The following ARMC9 variants were observed in gnomAD, a reference collection of about 807,000 sequenced individuals.
ARMC9 encodes the protein armadillo repeat containing 9.
Under a neutral mutation model 107.0 loss-of-function variants are expected in ARMC9, and 94 were observed. The ratio of observed to expected loss-of-function variants is 0.88; its 90% CI spans 0.74 to 1.04. ARMC9 has a LOEUF of 1.04. Ranked by LOEUF, ARMC9 falls within the 50% of genes least tolerant of loss-of-function variation. The pLI is 0.00. For missense variants in ARMC9, 942 were observed against 1,030.1 expected, an observed-to-expected ratio of 0.91 and a Z score of 1.17; for synonymous variants, 380 against 396.9, an observed-to-expected ratio of 0.96 and a Z score of 0.51.
chr2:231,333,752 C>G (rs1239993485), intron 20 of ARMC9, among the ~76,000 whole-genome samples: 1 of 152,196 alleles, frequency 6.6e-6, no homozygotes, highest in Admixed American at 6.5e-5. Flanking sequence ...GCATGTACCC[C>G]TGACCACACT....
At chr2:231,223,342 T>G (rs1354258570) in intron 6 of ARMC9, among the ~76,000 whole-genome samples, 3 of 152,186 alleles carry the variant, frequency 2.0e-5, no homozygotes, top group Admixed American at 6.6e-5. Context: ...CAGTTCAAAC[T>G]GGGACACTTT....
chr2:231,272,215 G>T, intron 13 of ARMC9, among the ~76,000 whole-genome samples: 1 of 122,868 alleles, frequency 8.1e-6, no homozygotes. Flanking sequence ...TTTTTTGAGA[G>T]AGTCTCACTT....
Position 231,370,063 on chromosome 2 carries a change from C to T in ARMC9, c.2372C>T (p.Ser791Leu), listed in dbSNP as rs542596515. 10 of 1,535,400 alleles carry T rather than the reference C, an allele frequency of 6.5e-6. No individual in the cohort carries two copies. Among genetic ancestry groups the T allele is most frequent in the Admixed American group, 2.0e-5 (1 of 50,940 alleles). ...KASVLAPLFS[S>L]CGPQQASRPG... The stretch of plus-strand genomic sequence containing the variant: ...TCAGTTCTGGCCCCTCTGTTCTCTT[C>T]GTGTGGCCCCCAGCAGGCCAGCCGC... Residue 791 changes from serine (S) to leucine (L), a missense_variant, in exon 24 of 25, where the codon TCG becomes TTG. Physicochemically the swap from Ser to Leu is moderately radical, Grantham distance 145. Coordinates refer to ENST00000611582, the MANE Select transcript of ARMC9 (RefSeq NM_001352754.2).
chr2:231,299,437 A>G (rs921631601), intron 19 of ARMC9, among the ~76,000 whole-genome samples: 4 of 152,220 alleles, frequency 2.6e-5, no homozygotes, highest in African/African-American at 9.6e-5. Flanking sequence ...AAAAATGCAG[A>G]GAGGCCCTGA....
intron 8 of ARMC9, among the ~76,000 whole-genome samples, chr2:231,238,121 G>T (rs537827902): frequency 5.9e-5 from 9 of 152,106 alleles, no homozygotes; most frequent in African/African-American, 2.2e-4. Context: ...AAGGTGGGTT[G>T]AGACAGTAAA....
At chr2:231,207,019 T>C (rs2032110644) in intron 2 of ARMC9, among the ~76,000 whole-genome samples, 1 of 152,246 alleles carries the variant, frequency 6.6e-6, no homozygotes, top group Non-Finnish European at 1.5e-5. Context: ...TAAAAATCTT[T>C]TTAGAGACAA....
intron 17 of ARMC9, among the ~76,000 whole-genome samples, chr2:231,286,509 A>G (rs1040501799): frequency 1.3e-5 from 2 of 152,204 alleles, no homozygotes; most frequent in African/African-American, 4.8e-5. Context: ...TTTTGGACTC[A>G]TTCATTTTCT....
At chr2:231,281,934 G>T in intron 16 of ARMC9, 125 bp from the exon 17 acceptor site, 1 of 833,546 alleles carries the variant, frequency 1.2e-6, no homozygotes, top group Non-Finnish European at 2.0e-6. Flanking sequence ...GAGCACAGGA[G>T]AGCTGCGAGG....
intron 9 of ARMC9, among the ~76,000 whole-genome samples, chr2:231,243,663 G>A (rs1379618091): frequency 7.9e-5 from 12 of 152,140 alleles, no homozygotes; most frequent in African/African-American, 1.9e-4. Flanking sequence ...TTAGGAACAC[G>A]CAATAAAAGC....
intron 12 of ARMC9, among the ~76,000 whole-genome samples, chr2:231,263,545 T>G (rs549075961): frequency 6.6e-6 from 1 of 152,352 alleles, no homozygotes; most frequent in South Asian, 2.1e-4. Context: ...AATATCCTCT[T>G]AAAGGTCCCA....
At chr2:231,288,082 CA>C (rs1187325710) in intron 17 of ARMC9, among the ~76,000 whole-genome samples, 4 of 152,088 alleles carry the variant, frequency 2.6e-5, no homozygotes, top group African/African-American at 9.7e-5. Context: ...ATTGCAGTAC[CA>C]AACTCATAGG....
intron 16 of ARMC9, among the ~76,000 whole-genome samples, chr2:231,280,449 C>T (rs1470563230): frequency 6.6e-6 from 1 of 151,866 alleles, no homozygotes; most frequent in Non-Finnish European, 1.5e-5. Flanking sequence ...CAGAGCGAGA[C>T]TCTGTCTCAA....
Position 231,286,718 on chromosome 2 carries a change from T to A in ARMC9, c.1626+4585T>A, listed in dbSNP as rs1440260568. On this transcript the variant is annotated intron_variant, in intron 17 of 24. Transcript: ENST00000611582. The stretch of plus-strand genomic sequence containing the variant: ...AGCAGTACGAAGCAGTATGGAAAAA[T>A]TTATTTTACTGTATAATGAGAGATA... Among the ~76,000 whole-genome samples, 4 of 152,162 alleles carry A rather than the reference T, an allele frequency of 2.6e-5. No homozygotes were observed. The East Asian group carries it at 7.7e-4, about 29-fold the overall frequency.
intron 20 of ARMC9, 43 bp from the exon 21 acceptor site, chr2:231,344,932 A>C (rs759470129): frequency 3.8e-6 from 6 of 1,598,786 alleles, no homozygotes; most frequent in Non-Finnish European, 5.1e-6. Flanking sequence ...TCAGCTCTCT[A>C]ATAGATATTT....
Position 231,351,334 on chromosome 2 carries a change from G to A in ARMC9, c.1995-4464G>A, listed in dbSNP as rs146503174. Among the ~76,000 whole-genome samples, 96 of 152,110 alleles carry A rather than the reference G, an allele frequency of 6.3e-4. 1 individual carries two copies. The East Asian group carries it at 0.018, about 28-fold the overall frequency. On this transcript the variant is annotated intron_variant, in intron 21 of 24. Coordinates refer to ENST00000611582, the MANE Select transcript of ARMC9 (RefSeq NM_001352754.2). ...CCAGCAGAGAGAACCTGGATCTGCA[G>A]CAAAGTCACTCAGCTTCGCATTCCC...
In ARMC9 at chr2:231,362,032, G is replaced by T. The variant is rs1417972889; in HGVS notation, c.2261+1149G>T. Among the ~76,000 whole-genome samples the T allele has an allele frequency of 6.6e-6, 1 of 151,930 alleles. No homozygotes were observed. The highest frequency in any genetic ancestry group is 2.4e-5 in the African/African-American group (1 of 41,200). On this transcript the variant is annotated intron_variant, in intron 23 of 24. Coordinates refer to ENST00000611582, the MANE Select transcript of ARMC9 (RefSeq NM_001352754.2). This position sits in a 1 kb window ranked among gnomAD's most constrained non-coding sequence, Gnocchi z 4.7. ...ACTTCAAGACCTGGGCTAGGGAAGG[G>T]TGGGGGCAGTCCCAGCTATCTTTAA...
At chr2:231,220,855 T>A (rs1035634492) in intron 5 of ARMC9, among the ~76,000 whole-genome samples, 3 of 152,372 alleles carry the variant, frequency 2.0e-5, no homozygotes, top group Non-Finnish European at 4.4e-5. Flanking sequence ...AAAACACATA[T>A]TTGTTGGTAA....
chr2:231,312,505 C>T lies in ARMC9; in HGVS notation c.1773+16252C>T, dbSNP rs73994565. 9.7e-3 allele frequency among the ~76,000 whole-genome samples: 1,474 copies of T among 152,096 alleles called. 23 individuals carry two copies. The highest frequency in any genetic ancestry group is 0.033 in the African/African-American group (1,375 of 41,500). On this transcript the variant is annotated intron_variant, in intron 19 of 24. Transcript: ENST00000611582. ...TTGCCAGGATGGCAGGAGTTTGTGG[C>T]GGTTAAACAGTCTGCTACAGGGAGA... is the stretch of plus-strand genomic sequence containing the variant.
intron 9 of ARMC9, among the ~76,000 whole-genome samples, chr2:231,241,904 C>T (rs2036333853): frequency 6.6e-6 from 1 of 152,200 alleles, no homozygotes; most frequent in African/African-American, 2.4e-5. Context: ...GGAGCAGTTA[C>T]ATGATTCCCA....
Sources: allele counts gnomAD v4.1 joint callset (sites outside exome capture counted in the v4.1 genomes callset), GRCh38; gene constraint gnomAD v4.1.1; non-coding constraint Gnocchi (gnomAD v3.1); transcripts MANE v1.5; gene names NCBI Gene and HGNC (gene_info 2026-07-23, HGNC 2026-07-21).